Variants in LINGO2 observed in about 807,000 individuals in gnomAD.
LINGO2 encodes the protein leucine-rich repeat and immunoglobulin-like domain-containing nogo receptor-interacting protein 2.
LINGO2 carries 14 observed loss-of-function variants against 30.6 expected under a neutral mutation model. The ratio of observed to expected loss-of-function variants is 0.46; its 90% CI spans 0.30 to 0.72. The LOEUF (loss-of-function observed/expected upper bound fraction) is 0.72, where lower values mean the gene tolerates loss of function less well. Among genes scored for constraint, LINGO2 ranks in the 30% least tolerant of loss-of-function variants. The probability of loss-of-function intolerance (pLI) is 0.07; values close to 1 mark genes in which losing one functional copy is unlikely to be tolerated. For missense variants in LINGO2, 729 were observed against 751.7 expected (o/e 0.97, Z 0.35); for synonymous variants, 317 against 288.5 (o/e 1.10, Z -1.00).
chr9:28,251,857 A>G (rs748164205), intron 4 of LINGO2, among the ~76,000 whole-genome samples: 4 of 152,166 alleles, frequency 2.6e-5, no homozygotes, highest in Non-Finnish European at 5.9e-5. Context: ...GCAATCCTAC[A>G]TATGTATGTA....
At chr9:28,715,246 A>G in the LINGO2 span, among the ~76,000 whole-genome samples, 2 of 152,314 alleles carry the variant, frequency 1.3e-5, no homozygotes, top group Admixed American at 1.3e-4. Context: ...GTTCACACAC[A>G]TTAAATTCCT....
At chr9:28,405,165 C>A (rs927600059) in intron 2 of LINGO2, among the ~76,000 whole-genome samples, 2 of 152,128 alleles carry the variant, frequency 1.3e-5, no homozygotes, top group African/African-American at 4.8e-5. Flanking sequence ...TTTTAATATT[C>A]TGCAAGTTTA....
chr9:28,206,688 CA>C (rs2133841360), intron 4 of LINGO2, among the ~76,000 whole-genome samples: 1 of 152,184 alleles, frequency 6.6e-6, no homozygotes, highest in Non-Finnish European at 1.5e-5. Flanking sequence ...GCATAAGTCA[CA>C]AAAACTATGT....
At chr9:28,972,909 TC>T in the LINGO2 span, among the ~76,000 whole-genome samples, 1 of 151,894 alleles carries the variant, frequency 6.6e-6, no homozygotes, top group Non-Finnish European at 1.5e-5. Context: ...TCCCACCAGG[TC>T]CCTCCCACAA....
chr9:28,622,627 T>C (rs540280389), intron 1 of LINGO2, among the ~76,000 whole-genome samples: 2 of 152,094 alleles, frequency 1.3e-5, no homozygotes, highest in Admixed American at 6.6e-5. Flanking sequence ...TTCCAAATCT[T>C]AGCTATTGTA....
the LINGO2 span, among the ~76,000 whole-genome samples, chr9:29,143,547 G>A: frequency 3.3e-5 from 5 of 152,066 alleles, no homozygotes; most frequent in African/African-American, 1.2e-4. Context: ...GGTACCGAGA[G>A]TACCCATAGG....
the LINGO2 span, among the ~76,000 whole-genome samples, chr9:29,167,655 A>G: frequency 1.3e-5 from 2 of 152,170 alleles, no homozygotes; most frequent in Non-Finnish European, 2.9e-5. Context: ...TCTTAAAGCC[A>G]TTAGAATCCT....
intron 3 of LINGO2, among the ~76,000 whole-genome samples, chr9:28,340,418 C>T (rs1412228): frequency 0.014 from 2,193 of 152,140 alleles, 55 homozygotes; most frequent in African/African-American, 0.05. Flanking sequence ...ACATTACATT[C>T]TTTCTGGATG....
chr9:28,738,469 C>A, the LINGO2 span, among the ~76,000 whole-genome samples: 1 of 152,036 alleles, frequency 6.6e-6, no homozygotes, highest in Non-Finnish European at 1.5e-5. Flanking sequence ...TTCCTCAAAA[C>A]ATGTTGTTCT....
intron 4 of LINGO2, among the ~76,000 whole-genome samples, chr9:28,036,585 G>GA (rs1352208248): frequency 1.3e-5 from 2 of 152,170 alleles, no homozygotes; most frequent in African/African-American, 4.8e-5. Flanking sequence ...AAGTCCAAAG[G>GA]AAAAGTGTTG....
At chr9:28,904,613 C>CA in the LINGO2 span, among the ~76,000 whole-genome samples, 2 of 151,574 alleles carry the variant, frequency 1.3e-5, no homozygotes, top group Non-Finnish European at 1.5e-5. Flanking sequence ...AAAATAGATA[C>CA]AAAAAAACTT....
intron 4 of LINGO2, among the ~76,000 whole-genome samples, chr9:28,145,896 G>C (rs1827799609): frequency 6.6e-6 from 1 of 152,062 alleles, no homozygotes; most frequent in Admixed American, 6.6e-5. Flanking sequence ...TTCCCCTTAA[G>C]ACCGCTTCTC....
the LINGO2 span, among the ~76,000 whole-genome samples, chr9:28,874,539 T>C: frequency 1.3e-5 from 2 of 152,088 alleles, no homozygotes; most frequent in Non-Finnish European, 2.9e-5. Context: ...CAAAATCATA[T>C]ATTTTTCATT....
chr9:29,179,073 C>T, the LINGO2 span, among the ~76,000 whole-genome samples: 10 of 149,296 alleles, frequency 6.7e-5, no homozygotes, highest in Admixed American at 6.0e-4. Context: ...AAAAATTAAA[C>T]CACTTAGGGC....
At chr9:29,134,371 T>A in the LINGO2 span, among the ~76,000 whole-genome samples, 1 of 151,798 alleles carries the variant, frequency 6.6e-6, no homozygotes, top group Non-Finnish European at 1.5e-5. Flanking sequence ...AAAATAAACA[T>A]TTTTTTATTC....
chr9:28,054,950 TC>T (rs1168925857), intron 4 of LINGO2, among the ~76,000 whole-genome samples: 1 of 152,104 alleles, frequency 6.6e-6, no homozygotes, highest in Non-Finnish European at 1.5e-5. Flanking sequence ...CAGTCTTCTT[TC>T]CTCTTAAATG....
chr9:28,143,247 G>A lies in LINGO2; in HGVS notation c.-86-130842C>T, dbSNP rs1005821627. Reference sequence around the variant, plus strand: ...CATGTCCTAGTGGAATAGTTAAACAGTCTGAATTTGCTGCATTTATTGAAT... The same window carrying A: ...CATGTCCTAGTGGAATAGTTAAACAATCTGAATTTGCTGCATTTATTGAAT... On this transcript the variant is annotated intron_variant, in intron 4 of 5. Coordinates refer to ENST00000379992, the Ensembl canonical transcript of LINGO2. Among the ~76,000 whole-genome samples the A allele has an allele frequency of 5.9e-5, 9 of 152,140 alleles. No homozygotes were observed. In the East Asian group the frequency reaches 1.7e-3, roughly 29 times the overall value.
the LINGO2 span, among the ~76,000 whole-genome samples, chr9:28,727,797 G>A: frequency 1.3e-5 from 2 of 152,138 alleles, no homozygotes; most frequent in Non-Finnish European, 2.9e-5. Flanking sequence ...TGGGTTTCCC[G>A]TGGACCAGAT....
intron 1 of LINGO2, among the ~76,000 whole-genome samples, chr9:28,509,760 G>A (rs1820296008): frequency 6.6e-6 from 1 of 152,186 alleles, no homozygotes; most frequent in Non-Finnish European, 1.5e-5. Flanking sequence ...TCTAATCTTA[G>A]ACTTTCAGTT....
Sources: allele counts gnomAD v4.1 joint callset (sites outside exome capture counted in the v4.1 genomes callset), GRCh38; gene constraint gnomAD v4.1.1; transcripts MANE v1.5; gene names NCBI Gene and HGNC (gene_info 2026-07-23, HGNC 2026-07-21).